The following SUGCT variants were observed in gnomAD, a reference collection of about 807,000 sequenced individuals.
SUGCT encodes succinyl-CoA:glutarate CoA-transferase.
SUGCT carries 41 observed loss-of-function variants against 55.0 expected under a neutral mutation model. The ratio of observed to expected loss-of-function variants is 0.74; its 90% CI spans 0.58 to 0.97. The LOEUF (loss-of-function observed/expected upper bound fraction) is 0.97, where lower values mean the gene tolerates loss of function less well. Ranked by LOEUF, SUGCT falls within the 50% of genes least tolerant of loss-of-function variation. The pLI is 0.00. For missense variants in SUGCT, 568 were observed against 547.8 expected (o/e 1.04, Z -0.37); for synonymous variants, 187 against 200.4 (o/e 0.93, Z 0.56).
At chr7:40,429,233 T>G (rs1787763459) in intron 9 of SUGCT, among the ~76,000 whole-genome samples, 1 of 152,188 alleles carries the variant, frequency 6.6e-6, no homozygotes, top group African/African-American at 2.4e-5. Context: ...ATTAGATCTC[T>G]TAACTTGTTA....
intron 12 of SUGCT, among the ~76,000 whole-genome samples, chr7:40,715,047 A>C (rs1399159641): frequency 6.6e-6 from 1 of 152,142 alleles, no homozygotes; most frequent in Non-Finnish European, 1.5e-5. Flanking sequence ...TCCACTTGCC[A>C]GGAGTTAAGG....
chr7:40,247,239 C>T (rs1220001653), intron 7 of SUGCT, among the ~76,000 whole-genome samples: 1 of 152,020 alleles, frequency 6.6e-6, no homozygotes, highest in Admixed American at 6.6e-5. Context: ...TAATTATCTG[C>T]ACCAACTCTT....
chr7:40,202,679 G>A (rs1360958779), intron 6 of SUGCT, among the ~76,000 whole-genome samples: 1 of 152,112 alleles, frequency 6.6e-6, no homozygotes, highest in Non-Finnish European at 1.5e-5. Context: ...AGTTCTGTAG[G>A]TGGCTCTCTT....
intron 3 of SUGCT, among the ~76,000 whole-genome samples, chr7:40,186,557 C>A (rs995918496): frequency 1.3e-5 from 2 of 152,064 alleles, no homozygotes; most frequent in Non-Finnish European, 2.9e-5. Flanking sequence ...CCGGATCTGG[C>A]CTGGTTGTAG....
At chr7:40,630,032 C>G (rs1309191518) in intron 12 of SUGCT, among the ~76,000 whole-genome samples, 1 of 152,164 alleles carries the variant, frequency 6.6e-6, no homozygotes, top group Non-Finnish European at 1.5e-5. Flanking sequence ...CCATTGACTC[C>G]TGACTTCTTG....
intron 9 of SUGCT, among the ~76,000 whole-genome samples, chr7:40,419,925 G>C (rs565344939): frequency 1.3e-5 from 2 of 152,240 alleles, no homozygotes; most frequent in African/African-American, 4.8e-5. Context: ...AGTACTGTGA[G>C]GTACCATGGA....
chr7:40,235,075 T>A (rs1177316444), intron 6 of SUGCT, among the ~76,000 whole-genome samples: 1 of 152,144 alleles, frequency 6.6e-6, no homozygotes, highest in African/African-American at 2.4e-5. Context: ...TTATTTGAAA[T>A]TTTCCAAGAT....
At chr7:41,027,197 GT>G in the SUGCT span, among the ~76,000 whole-genome samples, 1 of 152,142 alleles carries the variant, frequency 6.6e-6, no homozygotes, top group Non-Finnish European at 1.5e-5. Flanking sequence ...TTAATGGCTG[GT>G]CCTCTAAAAC....
In SUGCT at chr7:40,857,140, A is replaced by G. The variant is rs1794217469; in HGVS notation, c.1154-3176A>G. On this transcript the variant is annotated intron_variant, in intron 13 of 13. Coordinates refer to ENST00000335693, the MANE Select transcript of SUGCT (RefSeq NM_001193313.2). ...TGTTAGTTTGCCAAAAAATTTAAGA[A>G]CATGTGACTTACCTTGCTCATAATT... Among the ~76,000 whole-genome samples the G allele has an allele frequency of 2.0e-5, 3 of 152,302 alleles. No individual in the cohort carries two copies. The South Asian group carries it at 6.2e-4, about 32-fold the overall frequency.
At chr7:40,276,638 A>G (rs1266800342) in intron 8 of SUGCT, among the ~76,000 whole-genome samples, 1 of 152,162 alleles carries the variant, frequency 6.6e-6, no homozygotes, top group Non-Finnish European at 1.5e-5. Flanking sequence ...CACTTCTAGC[A>G]TCTAACTAGT....
the SUGCT span, among the ~76,000 whole-genome samples, chr7:40,891,179 A>G: frequency 6.6e-6 from 1 of 152,226 alleles, no homozygotes; most frequent in African/African-American, 2.4e-5. Flanking sequence ...AAGGGAACCC[A>G]ATATAAGCAT....
At chr7:40,286,568 G>A (rs1236788687) in intron 8 of SUGCT, among the ~76,000 whole-genome samples, 1 of 152,170 alleles carries the variant, frequency 6.6e-6, no homozygotes, top group Non-Finnish European at 1.5e-5. Context: ...TGGTAATAAG[G>A]AAGGAGAAAA....
At position 40,329,726 on chromosome 7, in the gene SUGCT, G is replaced by T. The variant is rs190669713; in HGVS notation, c.816+12871G>T. On this transcript the variant is annotated intron_variant, in intron 9 of 13. Transcript: ENST00000335693. Reference sequence around the variant, plus strand: ...GATTTGTTTTCCTTAGACCCTTGTTGTCATTCTAATATGAGTCCACTAGAT... The same window carrying T: ...GATTTGTTTTCCTTAGACCCTTGTTTTCATTCTAATATGAGTCCACTAGAT... Among the ~76,000 whole-genome samples the T allele has an allele frequency of 5.5e-4, 84 of 152,192 alleles. 2 individuals are homozygous for T. The East Asian group carries it at 0.013, about 23-fold the overall frequency.
rs183166234 is a variant in SUGCT, at chr7:40,185,219, A to G, written c.226+3191A>G. 5.7e-4 allele frequency among the ~76,000 whole-genome samples: 87 copies of G among 152,124 alleles called. No homozygotes were observed. The East Asian group carries it at 0.014, about 24-fold the overall frequency. The stretch of plus-strand genomic sequence containing the variant: ...TTTCTTTAAAGCTTCTAATTTCCAT[A>G]TTGCTATCTGATTTCAACACTGCAG... On this transcript the variant is annotated intron_variant, in intron 3 of 13. Transcript: ENST00000335693.
intron 12 of SUGCT, among the ~76,000 whole-genome samples, chr7:40,646,382 GT>G (rs35312187): frequency 4.0e-3 from 614 of 151,916 alleles, no homozygotes; most frequent in Non-Finnish European, 6.2e-3. Flanking sequence ...AAATAGCTGG[GT>G]TTTTTTTCTT....
At chr7:40,670,390 A>G (rs560901975) in intron 12 of SUGCT, among the ~76,000 whole-genome samples, 4 of 152,278 alleles carry the variant, frequency 2.6e-5, no homozygotes, top group African/African-American at 9.6e-5. Context: ...GAAAAGACCA[A>G]TAAAATTGAC....
chr7:40,632,446 A>C (rs1799830107), intron 12 of SUGCT, among the ~76,000 whole-genome samples: 1 of 150,122 alleles, frequency 6.7e-6, no homozygotes, highest in African/African-American at 2.5e-5. Flanking sequence ...TCTGTACTTT[A>C]TTTATTCATT....
intron 12 of SUGCT, among the ~76,000 whole-genome samples, chr7:40,690,549 T>G (rs1465746993): frequency 6.6e-6 from 1 of 152,116 alleles, no homozygotes; most frequent in Non-Finnish European, 1.5e-5. Context: ...TAGCAAGATA[T>G]AGAGAGATCA....
chr7:40,266,653 A>G (rs1160719274), intron 7 of SUGCT, among the ~76,000 whole-genome samples: 1 of 152,130 alleles, frequency 6.6e-6, no homozygotes, highest in Non-Finnish European at 1.5e-5. Flanking sequence ...TTTTCCACTA[A>G]TGGTCAGCTT....
Sources: gnomAD v4.1 joint callset for allele counts (sites outside exome capture counted in the v4.1 genomes callset) on GRCh38, gnomAD v4.1.1 for gene constraint, MANE v1.5 for transcripts, NCBI Gene and HGNC (gene_info 2026-07-23, HGNC 2026-07-21) for gene names.